Variants in DENND4A observed in about 807,000 individuals in gnomAD.
DENND4A encodes the protein DENN domain containing 4A.
Under a neutral mutation model 199.3 loss-of-function variants are expected in DENND4A, and 70 were observed. The ratio of observed to expected loss-of-function variants is 0.35; its 90% CI spans 0.29 to 0.43. The LOEUF is 0.43. Ranked by LOEUF, DENND4A falls within the 20% of genes least tolerant of loss-of-function variation. The pLI, the probability that DENND4A is intolerant of heterozygous loss-of-function variation, is 1.00. For synonymous variants in DENND4A, 686 were observed against 766.9 expected (o/e 0.89, Z 1.74); for missense variants, 1,723 against 2,255.8 (o/e 0.76, Z 4.78).
chr15:65,773,312 C>T (rs2077191771), intron 1 of DENND4A, among the ~76,000 whole-genome samples: 3 of 152,194 alleles, frequency 2.0e-5, no homozygotes, highest in African/African-American at 7.2e-5. Flanking sequence ...GGTACCTCTA[C>T]CATGTGGTCT....
chr15:65,768,152 G>A (rs182265742), intron 1 of DENND4A, among the ~76,000 whole-genome samples: 20 of 152,078 alleles, frequency 1.3e-4, no homozygotes, highest in East Asian at 5.8e-4. Context: ...ACACCACCAC[G>A]TCTGGCTAAT....
intron 32 of DENND4A, among the ~76,000 whole-genome samples, chr15:65,663,922 G>C (rs922032741): frequency 1.3e-5 from 2 of 152,064 alleles, no homozygotes; most frequent in African/African-American, 4.8e-5. Flanking sequence ...AAAGTGCTGG[G>C]ATTACAGACA....
intron 12 of DENND4A, chr15:65,719,292 A>G (rs2060455): frequency 0.2 from 30,483 of 150,746 alleles, 4,119 homozygotes; most frequent in East Asian, 0.73. Context: ...GTGCAAACTG[A>G]GTGCAGGGCA....
rs2076176408 is a variant in DENND4A at position 65,738,729 on chromosome 15, A to C, written c.778T>G (p.Leu260Val). Residue 260 changes from leucine to valine, a missense_variant, in exon 6 of 33, where the codon TTA (leucine) becomes GTA (valine). Leu to Val is a conservative substitution (Grantham distance 32, BLOSUM62 1). Coordinates refer to ENST00000443035, the MANE Select transcript of DENND4A (RefSeq NM_001320835.1). Reference protein sequence around the residue: ...YPLPVFSTFVLTGASAEKVYG... With the variant: ...YPLPVFSTFVVTGASAEKVYG... ...ACCTTTTCAGCTGAGGCTCCAGTTA[A>C]AACAAAAGTAGAAAATACAGGCAGA... The C allele has an allele frequency of 1.9e-6, 3 of 1,611,482 alleles. No individual in the cohort carries two copies. Among genetic ancestry groups the C allele is most frequent in the African/African-American group, 1.3e-5 (1 of 74,860 alleles).
intron 23 of DENND4A, 22 bp downstream of exon 23, chr15:65,690,393 A>G (rs770545123): frequency 7.8e-6 from 12 of 1,536,472 alleles, no homozygotes; most frequent in Admixed American, 2.0e-5. Flanking sequence ...CAGTAAAAGT[A>G]GCAAATACTA....
intron 23 of DENND4A, among the ~76,000 whole-genome samples, chr15:65,687,706 T>C (rs1393395125): frequency 6.6e-6 from 1 of 152,226 alleles, no homozygotes; most frequent in African/African-American, 2.4e-5. Flanking sequence ...TTCCAAGGAT[T>C]GTGATGAAAA....
intron 1 of DENND4A, among the ~76,000 whole-genome samples, chr15:65,774,672 A>G (rs2140912815): frequency 6.6e-6 from 1 of 152,156 alleles, no homozygotes; most frequent in East Asian, 1.9e-4. Context: ...CCTGTCTCAA[A>G]AAAATAAAAT....
chr15:65,765,749 A>C (rs1047488351), intron 1 of DENND4A, among the ~76,000 whole-genome samples: 12 of 152,322 alleles, frequency 7.9e-5, no homozygotes, highest in Non-Finnish European at 1.6e-4. Context: ...TCACATGTGC[A>C]TAAAACCATG....
chr15:65,775,678 T>G (rs1380461180), intron 1 of DENND4A, among the ~76,000 whole-genome samples: 1 of 138,510 alleles, frequency 7.2e-6, no homozygotes, highest in East Asian at 2.3e-4. Flanking sequence ...TAAAGGAATC[T>G]GAAAGCAAAT....
chr15:65,758,170 AG>A (rs2076761406), intron 2 of DENND4A, among the ~76,000 whole-genome samples: 1 of 152,216 alleles, frequency 6.6e-6, no homozygotes, highest in African/African-American at 2.4e-5. Flanking sequence ...TATATCAAAC[AG>A]AAGAATTTCA....
In DENND4A at chr15:65,660,976, A is replaced by G. The variant is rs1211434320; in HGVS notation, c.*875T>C. 6.6e-6 allele frequency: 1 copy of G among 152,224 alleles called. No homozygotes were observed. The highest frequency in any genetic ancestry group is 1.5e-5 in the Non-Finnish European group (1 of 68,036). 9.4% of individuals were successfully genotyped at this position (152,224 alleles called of 1,614,324 possible). On this transcript the variant is annotated 3_prime_UTR_variant, in exon 33 of 33. Coordinates refer to ENST00000443035, the MANE Select transcript of DENND4A (RefSeq NM_001320835.1). ...TTCCCAATGTAAGTTTTCATGTAGA[A>G]TATTAAAATTTAAATTGATATTTGG...
chr15:65,700,775 A>G, intron 19 of DENND4A, 100 bp from the exon 20 acceptor site: 2 of 1,256,624 alleles, frequency 1.6e-6, no homozygotes, highest in Non-Finnish European at 2.1e-6. Flanking sequence ...ACTGAACATG[A>G]AAAGTGCCAC....
At chr15:65,682,145 T>C (rs1475418526) in intron 23 of DENND4A, among the ~76,000 whole-genome samples, 2 of 152,046 alleles carry the variant, frequency 1.3e-5, no homozygotes, top group East Asian at 1.9e-4. Context: ...AACAAGAGAG[T>C]CAGCCTGTCC....
In DENND4A at chr15:65,660,091, T is replaced by C. The variant is rs1596369243; in HGVS notation, c.*1760A>G. 4.0e-6 allele frequency: 2 copies of C among 498,518 alleles called. No individual in the cohort carries two copies. The highest frequency in any genetic ancestry group is 1.9e-5 in the African/African-American group (1 of 51,452). 30.9% of individuals were successfully genotyped at this position (498,518 alleles called of 1,614,324 possible). A position where few individuals can be genotyped will look rare whatever the true frequency, so the allele number is the denominator to read the frequency against. On this transcript the variant is annotated 3_prime_UTR_variant, in exon 33 of 33. Coordinates refer to ENST00000443035, the MANE Select transcript of DENND4A (RefSeq NM_001320835.1). ...TTTCTCTCAGTTGACAACTTTCAAATGATTTAAAGAACATGAAGAACAAGT... is the reference window on the plus strand; with the variant it reads ...TTTCTCTCAGTTGACAACTTTCAAACGATTTAAAGAACATGAAGAACAAGT...
chr15:65,784,953 G>C (rs1429858763), intron 1 of DENND4A, among the ~76,000 whole-genome samples: 1 of 151,992 alleles, frequency 6.6e-6, no homozygotes, highest in Non-Finnish European at 1.5e-5. Context: ...TTTAAGACCA[G>C]CCTGACCAAG....
chr15:65,744,781 G>C (rs1037358247), intron 4 of DENND4A, among the ~76,000 whole-genome samples: 1 of 152,046 alleles, frequency 6.6e-6, no homozygotes, highest in Non-Finnish European at 1.5e-5. Context: ...TTGTTGGCTT[G>C]TTTCTCATGT....
rs1202698221 is a variant in DENND4A, at chr15:65,690,892, A to G, written c.3702T>C (p.Asp1234=). The G allele has an allele frequency of 1.2e-6, 2 of 1,609,648 alleles. No individual in the cohort carries two copies. The highest frequency in any genetic ancestry group is 1.7e-5 in the Admixed American group (1 of 59,388). ...ATGGTGTTGAAATGCTTTTGCTATCATCTTCATCCTCCTCCTCTTCTTCTT... is the reference window on the plus strand; with the variant it reads ...ATGGTGTTGAAATGCTTTTGCTATCGTCTTCATCCTCCTCCTCTTCTTCTT... ...QQKEEEEEDE[D]DSKSISTPSA... is the part of the protein sequence containing the mutation. Residue 1234 remains aspartate, a synonymous_variant, in exon 23 of 33, where the codon GAT becomes GAC. Transcript: ENST00000443035.
intron 1 of DENND4A, among the ~76,000 whole-genome samples, chr15:65,787,568 C>T (rs988039174): frequency 6.6e-6 from 1 of 151,966 alleles, no homozygotes; most frequent in Non-Finnish European, 1.5e-5. Flanking sequence ...GAATATATAC[C>T]CAGCCCTTCT....
chr15:65,782,183 T>C (rs537036580), intron 1 of DENND4A, among the ~76,000 whole-genome samples: 7 of 152,322 alleles, frequency 4.6e-5, no homozygotes, highest in South Asian at 4.1e-4. Flanking sequence ...CAGGCCCTCA[T>C]AGACTGTTTT....
Sources: allele counts gnomAD v4.1 joint callset (sites outside exome capture counted in the v4.1 genomes callset), GRCh38; gene constraint gnomAD v4.1.1; transcripts MANE v1.5; gene names NCBI Gene and HGNC (gene_info 2026-07-23, HGNC 2026-07-21).